Variants in CACNA1E observed in about 807,000 individuals in gnomAD.
CACNA1E encodes calcium voltage-gated channel subunit alpha1 E.
Under a neutral mutation model 259.2 loss-of-function variants are expected in CACNA1E, and 40 were observed. The ratio of observed to expected loss-of-function variants is 0.15; its 90% CI spans 0.12 to 0.20. The LOEUF is 0.20. Among genes scored for constraint, CACNA1E ranks in the 10% least tolerant of loss-of-function variants. The pLI is 1.00. For synonymous variants in CACNA1E, 1,104 were observed against 1,138.5 expected (o/e 0.97, Z 0.61); for missense variants, 1,874 against 3,040.1 (o/e 0.62, Z 9.02).
chr1:181,651,600 A>T (rs1320914055), intron 7 of CACNA1E, 159 bp downstream of exon 7: 2 of 577,276 alleles, frequency 3.5e-6, no homozygotes, highest in Admixed American at 3.2e-5. Flanking sequence ...CTGGGAATGC[A>T]GTAGTGAACC....
intron 47 of CACNA1E, among the ~76,000 whole-genome samples, chr1:181,797,911 G>T (rs1661953354): frequency 6.6e-6 from 1 of 152,202 alleles, no homozygotes; most frequent in African/African-American, 2.4e-5. Flanking sequence ...CTCTCTTTTA[G>T]TGTGCCCCTT....
rs143040737 is a variant in CACNA1E, at chr1:181,405,773, G to A, written c.-14-7360G>A. On this transcript the variant is annotated intron_variant, in intron 1 of 11. Coordinates refer to the CACNA1E transcript ENST00000524607. ...AATTCTGGCTAATGGAATGTGGAGAGTTGATATACACCACTTCTAGGCCTT... is the reference window on the plus strand; with the variant it reads ...AATTCTGGCTAATGGAATGTGGAGAATTGATATACACCACTTCTAGGCCTT... Among the ~76,000 whole-genome samples the A allele has an allele frequency of 4.2e-3, 635 of 152,280 alleles. 4 individuals carry two copies. The highest frequency in any genetic ancestry group is 0.015 in the African/African-American group (607 of 41,550).
intron 6 of CACNA1E, among the ~76,000 whole-genome samples, chr1:181,606,942 C>T (rs1654294225): frequency 6.6e-6 from 1 of 152,234 alleles, no homozygotes; most frequent in Non-Finnish European, 1.5e-5. Flanking sequence ...TAAACAAAGT[C>T]AGTCCCTCTC....
At chr1:181,788,562 T>A (rs1032865436) in intron 43 of CACNA1E, among the ~76,000 whole-genome samples, 2 of 152,312 alleles carry the variant, frequency 1.3e-5, no homozygotes, top group Middle Eastern at 3.4e-3. Flanking sequence ...GAGTGGCCTC[T>A]ACTAAAATCT....
At chr1:181,337,234 C>T (rs984329353) in intron 1 of CACNA1E, among the ~76,000 whole-genome samples, 59 of 151,488 alleles carry the variant, frequency 3.9e-4, no homozygotes, top group African/African-American at 1.4e-3. Flanking sequence ...CGGCTCACTG[C>T]AAGCTCCTCC....
chr1:181,651,915 C>T (rs569803391), intron 7 of CACNA1E: 1 of 153,738 alleles, frequency 6.5e-6, no homozygotes, highest in East Asian at 1.9e-4. Flanking sequence ...TAAGCATCGC[C>T]AGGAGCACAC....
At chr1:181,395,870 G>A (rs551354678) in intron 1 of CACNA1E, among the ~76,000 whole-genome samples, 1 of 152,348 alleles carries the variant, frequency 6.6e-6, no homozygotes, top group South Asian at 2.1e-4. Flanking sequence ...TGAGTCAAGT[G>A]TATTTGCTAT....
chr1:181,750,424 T>C, intron 25 of CACNA1E, 52 bp from the exon 26 acceptor site: 1 of 1,580,670 alleles, frequency 6.3e-7, no homozygotes, highest in Non-Finnish European at 8.7e-7. Context: ...CCCCATTTTT[T>C]TGTTTTGTTT....
At chr1:181,474,939 A>T (rs1662747070) in intron 2 of CACNA1E, among the ~76,000 whole-genome samples, 1 of 152,194 alleles carries the variant, frequency 6.6e-6, no homozygotes, top group Non-Finnish European at 1.5e-5. Flanking sequence ...CCTACAAGGG[A>T]AGTAAATACC....
chr1:181,572,011 G>T (rs1650460905), intron 3 of CACNA1E, among the ~76,000 whole-genome samples: 1 of 152,172 alleles, frequency 6.6e-6, no homozygotes, highest in African/African-American at 2.4e-5. Context: ...AATATTCCAT[G>T]CATTGTACAA....
rs1191760603 is a variant in CACNA1E, at chr1:181,798,596, T to C, written c.6704T>C (p.Leu2235Pro). The part of the protein sequence containing the change: ...QRYISEPYLA[L>P]HEDSHASDCG... ...TACATCTCCGAGCCCTACTTGGCCC[T>C]GCACGAAGACTCCCACGCCTCAGAC... The change falls in exon 48 of 48, where the codon CTG (leucine) becomes CCG (proline). Residue 2235 changes from leucine (L) to proline (P), a missense_variant. By Grantham distance (98) the Leu-to-Pro change is moderately conservative. Transcript: ENST00000367573. The surrounding 1 kb of genome is among the most constrained non-coding windows in gnomAD (Gnocchi z 4.2). 1.2e-6 allele frequency: 2 copies of C among 1,613,400 alleles called. No individual in the cohort carries two copies. The highest frequency in any genetic ancestry group is 4.5e-5 in the East Asian group (2 of 44,882).
At chr1:181,639,262 G>A (rs112571554) in intron 6 of CACNA1E, among the ~76,000 whole-genome samples, 4,429 of 152,012 alleles carry the variant, frequency 0.029, 201 homozygotes, top group African/African-American at 0.096. Flanking sequence ...TAATTTTTTC[G>A]TATTTTCAGT....
chr1:181,635,828 A>G (rs1351155460), intron 6 of CACNA1E, among the ~76,000 whole-genome samples: 1 of 152,222 alleles, frequency 6.6e-6, no homozygotes, highest in Admixed American at 6.5e-5. Context: ...TTCATAGAAC[A>G]GATGTTTATT....
chr1:181,756,795 A>C, intron 29 of CACNA1E, 130 bp from the exon 30 acceptor site: 1 of 668,560 alleles, frequency 1.5e-6, no homozygotes, highest in South Asian at 1.8e-5. Flanking sequence ...TTGGGTTTGG[A>C]CTCAAAAAAA....
At chr1:181,574,526 G>A (rs1217851960) in intron 3 of CACNA1E, among the ~76,000 whole-genome samples, 1 of 152,132 alleles carries the variant, frequency 6.6e-6, no homozygotes, top group Non-Finnish European at 1.5e-5. Context: ...CCTTTATTGA[G>A]TGCCTCTTAC....
At chr1:181,384,722 A>T (rs1309561060) in intron 1 of CACNA1E, among the ~76,000 whole-genome samples, 3 of 152,052 alleles carry the variant, frequency 2.0e-5, no homozygotes, top group Non-Finnish European at 4.4e-5. Context: ...TCCCGGTACA[A>T]GCCCCTCCCA....
intron 3 of CACNA1E, among the ~76,000 whole-genome samples, chr1:181,535,614 T>A (rs1349729137): frequency 6.6e-6 from 1 of 152,084 alleles, no homozygotes; most frequent in African/African-American, 2.4e-5. Context: ...TGATTACCTT[T>A]AAATTTTTAA....
intron 3 of CACNA1E, among the ~76,000 whole-genome samples, chr1:181,562,917 A>G (rs1183625346): frequency 6.6e-6 from 1 of 152,208 alleles, no homozygotes; most frequent in African/African-American, 2.4e-5. Context: ...AGATTCAGGC[A>G]GCAAACAGTT....
chr1:181,551,546 G>A (rs969088782), intron 3 of CACNA1E, among the ~76,000 whole-genome samples: 2 of 152,216 alleles, frequency 1.3e-5, no homozygotes, highest in African/African-American at 4.8e-5. Flanking sequence ...TGTTGAATAT[G>A]CATCTCACAG....
Sources: allele counts gnomAD v4.1 joint callset (sites outside exome capture counted in the v4.1 genomes callset), GRCh38; gene constraint gnomAD v4.1.1; non-coding constraint Gnocchi (gnomAD v3.1); transcripts MANE v1.5; gene names NCBI Gene and HGNC (gene_info 2026-07-23, HGNC 2026-07-21).